PIK3C2B: variants seen among roughly 807,000 people sequenced by gnomAD.
PIK3C2B encodes phosphatidylinositol-4-phosphate 3-kinase catalytic subunit type 2 beta.
PIK3C2B carries 83 observed loss-of-function variants against 184.3 expected under a neutral mutation model. The ratio of observed to expected loss-of-function variants is 0.45; its 90% CI spans 0.38 to 0.54. The LOEUF is 0.54. Ranked by LOEUF, PIK3C2B falls within the 20% of genes least tolerant of loss-of-function variation. The pLI, the probability that PIK3C2B is intolerant of heterozygous loss-of-function variation, is 0.00. For synonymous variants in PIK3C2B, 779 were observed against 837.6 expected, an observed-to-expected ratio of 0.93 and a Z score of 1.21; for missense variants, 1,736 against 2,113.5, an observed-to-expected ratio of 0.82 and a Z score of 3.50.
intron 16 of PIK3C2B, among the ~76,000 whole-genome samples, chr1:204,445,495 T>C (rs969305812): frequency 7.3e-5 from 11 of 150,462 alleles, no homozygotes; most frequent in African/African-American, 2.4e-4. Context: ...TCCAGCTACT[T>C]GGAGGCTGGG....
In PIK3C2B at chr1:204,468,905, T is replaced by C. The variant is rs1283138264; in HGVS notation, c.898A>G (p.Thr300Ala). Residue 300 changes from threonine (T) to alanine (A), a missense_variant, in exon 2 of 33, where the codon ACG becomes GCG. Thr to Ala is a moderately conservative substitution (Grantham distance 58). This residue lies in a region of PIK3C2B where 404 missense variants were observed against 418.0 expected (regional missense o/e 0.97). Transcript: ENST00000684373. The part of the protein sequence containing the change: ...ASRYGNRKNA[T>A]PGKNRRISAA... ...GAAATCCGGCGGTTCTTGCCAGGCG[T>C]CGCATTCTTTCGGTTGCCATAGCGG... 1.2e-6 allele frequency: 2 copies of C among 1,600,026 alleles called. No homozygotes were observed. Among genetic ancestry groups the C allele is most frequent in the Non-Finnish European group, 8.5e-7 (1 of 1,171,916 alleles).
Position 204,434,516 on chromosome 1 carries a change from C to T in PIK3C2B, c.3609G>A (p.Leu1203=), listed in dbSNP as rs761616584. 2 of 1,614,184 alleles carry T rather than the reference C, an allele frequency of 1.2e-6. No individual in the cohort carries two copies. The highest frequency in any genetic ancestry group is 3.3e-5 in the Admixed American group (2 of 60,022). ...ICDRHNDNIM[L]KTTGHMFHID... is the part of the protein sequence containing the mutation. ...TGTGGAACATGTGACCAGTGGTCTT[C>T]AGCATGATGTTGTCATTATGTCGGT... The change falls in exon 24 of 33, where the codon CTG becomes CTA. Residue 1203 remains leucine, a synonymous_variant. Transcript: ENST00000684373.
intron 8 of PIK3C2B, among the ~76,000 whole-genome samples, chr1:204,459,652 C>T (rs17406549): frequency 0.015 from 2,231 of 152,294 alleles, 30 homozygotes; most frequent in Non-Finnish European, 0.02. Context: ...AGTTTCCGAC[C>T]TGCTTCTTCT....
rs1675227319 is a variant in PIK3C2B, at chr1:204,434,315, C to T, written c.3686+124G>A. 1.2e-4 allele frequency: 101 copies of T among 829,792 alleles called. No individual in the cohort carries two copies. The South Asian group carries it at 1.5e-3, about 13-fold the overall frequency. 51.4% of individuals were successfully genotyped at this position (829,792 alleles called of 1,614,324 possible). The stretch of plus-strand genomic sequence containing the variant: ...ATCCGTCTTCTCTCCTCCAATGCTG[C>T]TCAGCCCTGGGACCATGATCTGAGG... On this transcript the variant is annotated intron_variant, in intron 24 of 32. Coordinates refer to ENST00000684373, the MANE Select transcript of PIK3C2B (RefSeq NM_001377334.1).
chr1:204,468,027 C>G (rs904870781), intron 2 of PIK3C2B, among the ~76,000 whole-genome samples: 1 of 151,960 alleles, frequency 6.6e-6, no homozygotes, highest in African/African-American at 2.4e-5. Flanking sequence ...GGGCTTTGAC[C>G]TAGATAGTTC....
intron 15 of PIK3C2B, among the ~76,000 whole-genome samples, chr1:204,446,468 GGAC>G (rs1653873779): frequency 6.6e-6 from 1 of 152,188 alleles, no homozygotes; most frequent in South Asian, 2.1e-4. Context: ...CCCAACTCAG[GGAC>G]ATCTTGGATG....
intron 1 of PIK3C2B, among the ~76,000 whole-genome samples, chr1:204,482,660 T>C (rs1178368290): frequency 6.6e-6 from 1 of 151,932 alleles, no homozygotes; most frequent in South Asian, 2.1e-4. Context: ...GGTGGGTGCC[T>C]GTAACACCAG....
At chr1:204,434,022 G>T in intron 24 of PIK3C2B, 73 bp from the exon 25 acceptor site, 2 of 1,273,122 alleles carry the variant, frequency 1.6e-6, no homozygotes, top group Non-Finnish European at 2.3e-6. Flanking sequence ...TGCATCAGGG[G>T]TCAGTTTCCC....
chr1:204,485,284 T>C lies in PIK3C2B; in HGVS notation c.-85+9072A>G, dbSNP rs561494155. 1.2e-4 allele frequency among the ~76,000 whole-genome samples: 19 copies of C among 152,262 alleles called. 1 individual carries two copies. In the East Asian group the frequency reaches 3.5e-3, roughly 28 times the overall value. The stretch of plus-strand genomic sequence containing the variant: ...CTTCCTGTTCTAATCTCTCTTAAAT[T>C]GGTCCATTCCTTTCCAAACCTCTGA... On this transcript the variant is annotated intron_variant, in intron 1 of 32. Transcript: ENST00000684373.
chr1:204,451,876 T>C (rs1654388335), intron 12 of PIK3C2B, among the ~76,000 whole-genome samples: 1 of 152,150 alleles, frequency 6.6e-6, no homozygotes, highest in Non-Finnish European at 1.5e-5. Context: ...AAGTACTTTA[T>C]TTACAGTGTC....
At chr1:204,474,534 T>C (rs1379577527) in intron 1 of PIK3C2B, among the ~76,000 whole-genome samples, 6 of 152,208 alleles carry the variant, frequency 3.9e-5, no homozygotes, top group African/African-American at 1.4e-4. Flanking sequence ...ACCATTCCCT[T>C]CTTCCTTAAA....
intron 10 of PIK3C2B, 79 bp downstream of exon 10, chr1:204,456,958 C>T (rs1654921260): frequency 1.6e-6 from 2 of 1,220,622 alleles, no homozygotes; most frequent in East Asian, 2.6e-5. Context: ...TCAAGGGGCC[C>T]AGGCAGAAAA....
intron 1 of PIK3C2B, among the ~76,000 whole-genome samples, chr1:204,472,115 C>G (rs1475894880): frequency 1.3e-5 from 2 of 151,946 alleles, no homozygotes; most frequent in East Asian, 3.9e-4. Flanking sequence ...CAAGGTCAGT[C>G]TGGCCCAGTG....
chr1:204,443,989 G>C (rs1553300262), intron 18 of PIK3C2B, 79 bp downstream of exon 18: 1 of 990,618 alleles, frequency 1.0e-6, no homozygotes, highest in Non-Finnish European at 1.6e-6. Flanking sequence ...TCAGTTCCTT[G>C]CCCTTGCGTG....
Position 204,460,540 on chromosome 1 carries a change from T to C in PIK3C2B, c.1422+10A>G. 4 of 1,609,362 alleles carry C rather than the reference T, an allele frequency of 2.5e-6. 1 individual carries two copies. In the South Asian group the frequency reaches 3.3e-5, roughly 13 times the overall value. On this transcript the variant is annotated intron_variant, in intron 6 of 32. Transcript: ENST00000684373. ...AGCCCTGGGCAACCCTCCACCACCC[T>C]CACACGAACCGTCCGGGCCAGGTCA...
chr1:204,439,380 C>A (rs1464585649), intron 22 of PIK3C2B, among the ~76,000 whole-genome samples: 1 of 152,174 alleles, frequency 6.6e-6, no homozygotes, highest in Non-Finnish European at 1.5e-5. Flanking sequence ...ATGTAACTAT[C>A]ACCCAGCTTC....
intron 2 of PIK3C2B, among the ~76,000 whole-genome samples, chr1:204,468,520 G>C (rs553312948): frequency 6.6e-6 from 1 of 152,214 alleles, no homozygotes; most frequent in East Asian, 1.9e-4. Context: ...CTCCGGTCCA[G>C]AGGGCCATTC....
chr1:204,484,374 T>A (rs2103535009), intron 1 of PIK3C2B, among the ~76,000 whole-genome samples: 1 of 152,322 alleles, frequency 6.6e-6, no homozygotes. Flanking sequence ...CTGAAATGTG[T>A]GTGAGCCCAA....
chr1:204,460,035 C>T, intron 7 of PIK3C2B, 94 bp from the exon 8 acceptor site: 1 of 969,682 alleles, frequency 1.0e-6, no homozygotes, highest in Non-Finnish European at 1.6e-6. Context: ...CCTCAGCTCA[C>T]ACTCTGATTT....
Sources: allele counts gnomAD v4.1 joint callset (sites outside exome capture counted in the v4.1 genomes callset), GRCh38; gene constraint gnomAD v4.1.1; regional missense constraint gnomAD v4.1.1; transcripts MANE v1.5; gene names NCBI Gene and HGNC (gene_info 2026-07-23, HGNC 2026-07-21).